The following CAMK2G variants were observed in gnomAD, a reference collection of about 807,000 sequenced individuals.
CAMK2G encodes the protein calcium/calmodulin dependent protein kinase II gamma.
Under a neutral mutation model 88.7 loss-of-function variants are expected in CAMK2G, and 23 were observed. That is an observed-to-expected ratio of 0.26 (90% CI 0.19 to 0.37). The LOEUF (loss-of-function observed/expected upper bound fraction) is 0.37, where lower values mean the gene tolerates loss of function less well. Ranked by LOEUF, CAMK2G falls within the 10% of genes least tolerant of loss-of-function variation. The pLI is 1.00. For missense variants in CAMK2G, 476 were observed against 780.8 expected (o/e 0.61, Z 4.65); for synonymous variants, 263 against 294.8 (o/e 0.89, Z 1.11).
At chr10:73,874,033 G>A (rs2095974743) in intron 1 of CAMK2G, among the ~76,000 whole-genome samples, 1 of 150,536 alleles carries the variant, frequency 6.6e-6, no homozygotes, top group Non-Finnish European at 1.5e-5. Context: ...TGAGTGCGAG[G>A]CGCGTGGGAC....
chr10:73,829,700 GGT>G (rs60725888), intron 14 of CAMK2G, among the ~76,000 whole-genome samples: 4,814 of 137,688 alleles, frequency 0.035, 200 homozygotes, highest in African/African-American at 0.1. Context: ...TAAGTAGTGG[GGT>G]GTGTGTGTGT....
chr10:73,823,947 T>G, intron 17 of CAMK2G, 93 bp downstream of exon 17: 1 of 945,408 alleles, frequency 1.1e-6, no homozygotes. Flanking sequence ...GCAAACACCT[T>G]GGCCTCAGGG....
chr10:73,848,062 G>A lies in CAMK2G; in HGVS notation c.622C>T (p.Leu208=), dbSNP rs539698068. ...TCCCAGAAGGGAGGATAGCCCACCA[G>A]GAGGATATACAGGATGACCCCTACG... ...WACGVILYIL[L]VGYPPFWDED... Residue 208 remains leucine (L), a synonymous_variant, in exon 9 of 23, where the codon CTG becomes TTG. Transcript: ENST00000423381. This position sits in a 1 kb window ranked among gnomAD's most constrained non-coding sequence, Gnocchi z 4.5. 1.2e-6 allele frequency: 2 copies of A among 1,608,688 alleles called. No homozygotes were observed. Among genetic ancestry groups the A allele is most frequent in the East Asian group, 2.2e-5 (1 of 44,854 alleles).
intron 2 of CAMK2G, among the ~76,000 whole-genome samples, chr10:73,872,674 A>C (rs1452640426): frequency 6.6e-6 from 1 of 152,196 alleles, no homozygotes; most frequent in Non-Finnish European, 1.5e-5. Context: ...CAAATGCCCC[A>C]AATTAAGAGC....
intron 16 of CAMK2G, 142 bp downstream of exon 16, chr10:73,825,137 G>C (rs1014817476): frequency 4.3e-6 from 3 of 700,058 alleles, no homozygotes; most frequent in Admixed American, 4.3e-5. Flanking sequence ...GGGGCATACA[G>C]GGCGGCACAC....
chr10:73,817,705 A>G, intron 19 of CAMK2G, 151 bp from the exon 20 acceptor site: 1 of 634,728 alleles, frequency 1.6e-6, no homozygotes. Context: ...AAGAGCGAAC[A>G]CACCTTCCCT....
intron 3 of CAMK2G, among the ~76,000 whole-genome samples, chr10:73,855,663 C>G (rs887747961): frequency 6.6e-6 from 1 of 152,234 alleles, no homozygotes. Context: ...GAAGGCCACA[C>G]ACAGAGCCCA....
At chr10:73,814,690 A>G (rs751028927) in intron 22 of CAMK2G, 185 bp from the exon 23 acceptor site, 1 of 308,024 alleles carries the variant, frequency 3.2e-6, no homozygotes, top group Non-Finnish European at 6.2e-6. Flanking sequence ...TGCTTTACTT[A>G]TAGTATCTTA....
At chr10:73,854,319 C>T (rs2094865008) in intron 3 of CAMK2G, among the ~76,000 whole-genome samples, 1 of 152,168 alleles carries the variant, frequency 6.6e-6, no homozygotes, top group South Asian at 2.1e-4. Flanking sequence ...CTCCAAAGCT[C>T]TTGGGTAAAA....
intron 14 of CAMK2G, among the ~76,000 whole-genome samples, chr10:73,835,425 T>C (rs1450729958): frequency 2.0e-5 from 3 of 151,712 alleles, no homozygotes; most frequent in Non-Finnish European, 4.4e-5. Context: ...GCCTCCCAAG[T>C]AGCTGTGACT....
chr10:73,871,996 C>G (rs2095849094), intron 2 of CAMK2G, among the ~76,000 whole-genome samples: 1 of 152,188 alleles, frequency 6.6e-6, no homozygotes, highest in East Asian at 1.9e-4. Context: ...GTCCTGGCTC[C>G]TAATATATTT....
chr10:73,836,744 T>C (rs1182397580), intron 14 of CAMK2G, among the ~76,000 whole-genome samples: 1 of 152,198 alleles, frequency 6.6e-6, no homozygotes, highest in East Asian at 1.9e-4. Flanking sequence ...AGCCCCAGGA[T>C]CCTTTCTGCC....
intron 14 of CAMK2G, among the ~76,000 whole-genome samples, chr10:73,832,894 A>G (rs2092667455): frequency 1.3e-5 from 2 of 151,870 alleles, no homozygotes; most frequent in South Asian, 4.2e-4. Flanking sequence ...AGCTGGGACT[A>G]TAGGTACGCA....
Position 73,852,331 on chromosome 10 carries a change from G to A in CAMK2G, c.276-12C>T, listed in dbSNP as rs767619436. 3.7e-5 allele frequency: 60 copies of A among 1,612,116 alleles called. No individual in the cohort carries two copies. In the Middle Eastern group the frequency reaches 4.9e-4, roughly 13 times the overall value. On this transcript the variant is annotated splice_polypyrimidine_tract_variant and intron_variant, in intron 4 of 22. Transcript: ENST00000423381. ...CCCCGCCGGTAACACTGCAACCAAC[G>A]GGAAGAAGAGGGTCAGAGGCAGAAA...
At chr10:73,836,064 C>G (rs1488562632) in intron 14 of CAMK2G, among the ~76,000 whole-genome samples, 2 of 151,874 alleles carry the variant, frequency 1.3e-5, no homozygotes, top group Non-Finnish European at 2.9e-5. Flanking sequence ...GAATTCCTGA[C>G]CCCAGGTGAT....
chr10:73,865,667 C>T (rs963532612), intron 2 of CAMK2G, among the ~76,000 whole-genome samples: 3 of 152,210 alleles, frequency 2.0e-5, no homozygotes, highest in Admixed American at 1.3e-4. Flanking sequence ...CTGGACGCAG[C>T]ATCTCCAACC....
intron 14 of CAMK2G, among the ~76,000 whole-genome samples, chr10:73,834,673 C>T (rs1174794118): frequency 3.3e-5 from 5 of 152,180 alleles, no homozygotes; most frequent in African/African-American, 1.2e-4. Context: ...GCTTTGGATT[C>T]ATGAAAGTGT....
At chr10:73,863,450 T>C (rs992688064) in intron 2 of CAMK2G, among the ~76,000 whole-genome samples, 3 of 152,212 alleles carry the variant, frequency 2.0e-5, no homozygotes, top group African/African-American at 7.2e-5. Flanking sequence ...TGACCCCACC[T>C]TCCTTCCATC....
chr10:73,865,300 A>G (rs2135718161), intron 2 of CAMK2G, among the ~76,000 whole-genome samples: 1 of 152,302 alleles, frequency 6.6e-6, no homozygotes, highest in African/African-American at 2.4e-5. Context: ...GATGGGCAGC[A>G]ACAGGGGCTC....
Sources: gnomAD v4.1 joint callset for allele counts (sites outside exome capture counted in the v4.1 genomes callset) on GRCh38, gnomAD v4.1.1 for gene constraint, Gnocchi (gnomAD v3.1) non-coding constraint, MANE v1.5 for transcripts, NCBI Gene and HGNC (gene_info 2026-07-23, HGNC 2026-07-21) for gene names.